Variants in IL1RAPL1 observed in about 807,000 individuals in gnomAD.
IL1RAPL1 encodes interleukin-1 receptor accessory protein-like 1.
Under a neutral mutation model 48.4 loss-of-function variants are expected in IL1RAPL1, and 3 were observed. That is an observed-to-expected ratio of 0.06 (90% confidence interval 0.03 to 0.16). The LOEUF (loss-of-function observed/expected upper bound fraction) is 0.16. Ranked by LOEUF, IL1RAPL1 falls within the 10% of genes least tolerant of loss-of-function variation. The pLI, the probability that IL1RAPL1 is intolerant of heterozygous loss-of-function variation, is 1.00. For missense variants in IL1RAPL1, 349 were observed against 530.6 expected (o/e 0.66, Z 3.36); for synonymous variants, 185 against 187.7 (o/e 0.99, Z 0.12).
At chrX:29,418,330 G>A (rs1413471038) in intron 5 of IL1RAPL1, among the ~76,000 whole-genome samples, 2 of 106,956 alleles carry the variant, frequency 1.9e-5, no homozygotes, top group Admixed American at 1.0e-4. Context: ...GTTTCACCAT[G>A]TTGGTCAGGC....
intron 3 of IL1RAPL1, among the ~76,000 whole-genome samples, chrX:29,344,304 A>C (rs1355975278): frequency 4.5e-5 from 5 of 111,861 alleles, no homozygotes; most frequent in Non-Finnish European, 9.4e-5. Context: ...ATAAATTATT[A>C]ATTTTAGTGG....
chrX:29,547,823 T>C (rs1209892025), intron 5 of IL1RAPL1, among the ~76,000 whole-genome samples: 2 of 112,181 alleles, frequency 1.8e-5, no homozygotes, highest in African/African-American at 3.2e-5. Flanking sequence ...ATAATCTGTG[T>C]CGAGAACAAG....
intron 3 of IL1RAPL1, among the ~76,000 whole-genome samples, chrX:29,316,974 ACCT>A (rs1932772783): frequency 9.1e-6 from 1 of 109,623 alleles, no homozygotes. Flanking sequence ...AGCGTGTCTG[ACCT>A]CCTTTCTTGT....
At chrX:28,668,012 G>A (rs892167010) in intron 1 of IL1RAPL1, among the ~76,000 whole-genome samples, 1 of 112,083 alleles carries the variant, frequency 8.9e-6, no homozygotes, top group Non-Finnish European at 1.9e-5. Context: ...ACAGCCTTCA[G>A]CGGTGGCAGC....
rs1257560429 is a variant in IL1RAPL1 at position 29,802,995 on chromosome X, ATGTATG to A, written c.779-114468_779-114463del. On this transcript the variant is annotated intron_variant, in intron 6 of 10. Transcript: ENST00000378993. The stretch of plus-strand genomic sequence containing the variant: ...TATATACATACATGTGTACATATAT[ATGTATG>A]CATATATACATATGTGTACATATAC... Among the ~76,000 whole-genome samples the A allele has an allele frequency of 8.9e-4, 47 of 52,990 alleles. 3 individuals carry two copies. The highest frequency in any genetic ancestry group is 4.1e-3 in the African/African-American group (45 of 10,986). 46.0% of individuals were successfully genotyped at this position (52,990 alleles called of 115,157 possible).
At chrX:29,872,533 C>T (rs1931820718) in intron 6 of IL1RAPL1, among the ~76,000 whole-genome samples, 1 of 112,009 alleles carries the variant, frequency 8.9e-6, no homozygotes, top group African/African-American at 3.2e-5. Context: ...AGGCTCTACC[C>T]TCATGACTGG....
At chrX:29,156,863 C>CT (rs1569248223) in intron 2 of IL1RAPL1, among the ~76,000 whole-genome samples, 1 of 154 alleles carries the variant, frequency 6.5e-3, no homozygotes, top group South Asian at 0.33. Flanking sequence ...TAAAAAGTTA[C>CT]CAAAGATCCA....
chrX:29,381,341 T>C (rs1933694607), intron 3 of IL1RAPL1, among the ~76,000 whole-genome samples: 1 of 105,256 alleles, frequency 9.5e-6, no homozygotes, highest in African/African-American at 3.5e-5. Flanking sequence ...AAAAGTAACA[T>C]ACGCAAAAGC....
Position 29,050,886 on chromosome X carries a change from C to G in IL1RAPL1, c.83-232052C>G, listed in dbSNP as rs939962895. 2.5e-4 allele frequency among the ~76,000 whole-genome samples: 28 copies of G among 111,996 alleles called. No homozygotes were observed. In the Admixed American group the frequency reaches 2.7e-3, roughly 11 times the overall value. On this transcript the variant is annotated intron_variant, in intron 2 of 10. Transcript: ENST00000378993. ...GTACAAAGGAAGAAAACTTGGAAAC[C>G]CTGATAGTCTCTGCATGTTTGAGAA...
intron 1 of IL1RAPL1, among the ~76,000 whole-genome samples, chrX:28,704,470 C>T (rs1196961661): frequency 1.1e-5 from 1 of 91,939 alleles, no homozygotes; most frequent in African/African-American, 4.1e-5. Flanking sequence ...GCACACACAC[C>T]CACAGTTTCT....
At chrX:29,264,017 G>A (rs1931909539) in intron 2 of IL1RAPL1, among the ~76,000 whole-genome samples, 1 of 110,857 alleles carries the variant, frequency 9.0e-6, no homozygotes, top group Non-Finnish European at 1.9e-5. Flanking sequence ...ATCTTTTAAA[G>A]TAATCAATTA....
intron 2 of IL1RAPL1, among the ~76,000 whole-genome samples, chrX:28,976,680 A>G (rs1023303262): frequency 9.0e-5 from 10 of 111,561 alleles, no homozygotes; most frequent in African/African-American, 3.3e-4. Context: ...GGAAGTGAGT[A>G]TAAACAGAGG....
chrX:29,583,132 G>T (rs1021190428), intron 5 of IL1RAPL1, among the ~76,000 whole-genome samples: 45 of 103,412 alleles, frequency 4.4e-4, no homozygotes, highest in Non-Finnish European at 8.2e-4. Context: ...GCAAAAACTG[G>T]AAGCATTCCC....
At chrX:29,106,788 A>G (rs1019896005) in intron 2 of IL1RAPL1, among the ~76,000 whole-genome samples, 1 of 111,746 alleles carries the variant, frequency 8.9e-6, no homozygotes, top group Non-Finnish European at 1.9e-5. Flanking sequence ...ATTATAAATC[A>G]GTAATAATTG....
chrX:29,245,017 C>A (rs1365556510), intron 2 of IL1RAPL1, among the ~76,000 whole-genome samples: 1 of 108,394 alleles, frequency 9.2e-6, no homozygotes, highest in Non-Finnish European at 1.9e-5. Context: ...TGAGTGAGAA[C>A]ATGCGGTGTT....
chrX:28,664,915 T>C (rs1934859279), intron 1 of IL1RAPL1, among the ~76,000 whole-genome samples: 1 of 95,765 alleles, frequency 1.0e-5, no homozygotes, highest in African/African-American at 3.5e-5. Flanking sequence ...TGCTAGACTC[T>C]AAATCTGGTC....
intron 2 of IL1RAPL1, among the ~76,000 whole-genome samples, chrX:28,917,184 G>A (rs1923508548): frequency 8.9e-6 from 1 of 111,749 alleles, no homozygotes; most frequent in Non-Finnish European, 1.9e-5. Flanking sequence ...TTAGTGACAT[G>A]TGTCTTGCTT....
At chrX:28,650,106 G>A (rs1934666266) in intron 1 of IL1RAPL1, among the ~76,000 whole-genome samples, 1 of 111,943 alleles carries the variant, frequency 8.9e-6, no homozygotes, top group Non-Finnish European at 1.9e-5. Context: ...TTCATATTCT[G>A]GAGCTTGTCT....
chrX:29,238,946 A>T (rs978389922), intron 2 of IL1RAPL1, among the ~76,000 whole-genome samples: 9 of 111,784 alleles, frequency 8.1e-5, no homozygotes, highest in Non-Finnish European at 1.3e-4. Flanking sequence ...ATGGATAATC[A>T]CCTCTTTTCC....
Sources: gnomAD v4.1 joint callset for allele counts (sites outside exome capture counted in the v4.1 genomes callset) on GRCh38, gnomAD v4.1.1 for gene constraint, MANE v1.5 for transcripts, NCBI Gene and HGNC (gene_info 2026-07-23, HGNC 2026-07-21) for gene names.